Variants in SLC2A13 observed in about 807,000 individuals in gnomAD.
The protein encoded by SLC2A13 is proton myo-inositol cotransporter.
In SLC2A13, 32 loss-of-function variants were observed where a neutral mutation model predicts 64.4. That is an observed-to-expected ratio of 0.50 (90% confidence interval 0.37 to 0.67). The LOEUF (loss-of-function observed/expected upper bound fraction) is 0.67, where lower values mean the gene tolerates loss of function less well. Ranked by LOEUF, SLC2A13 falls within the 30% of genes least tolerant of loss-of-function variation. SLC2A13 has a pLI of 0.00. For synonymous variants in SLC2A13, 338 were observed against 327.1 expected (o/e 1.03, Z -0.36); for missense variants, 743 against 829.2 (o/e 0.90, Z 1.28).
chr12:39,835,927 G>A (rs1942991348), intron 6 of SLC2A13, among the ~76,000 whole-genome samples: 1 of 152,126 alleles, frequency 6.6e-6, no homozygotes, highest in Non-Finnish European at 1.5e-5. Context: ...TTTAAGCTGA[G>A]CCTGGTTTTT....
At chr12:40,004,556 C>A (rs1947379052) in intron 3 of SLC2A13, among the ~76,000 whole-genome samples, 1 of 151,926 alleles carries the variant, frequency 6.6e-6, no homozygotes, top group Non-Finnish European at 1.5e-5. Context: ...GGAATCAAGC[C>A]CCCATGGATA....
chr12:39,832,748 T>C (rs1207167226), intron 6 of SLC2A13, among the ~76,000 whole-genome samples: 1 of 152,108 alleles, frequency 6.6e-6, no homozygotes, highest in Non-Finnish European at 1.5e-5. Context: ...TTTAGCTTAC[T>C]GACCACTTCC....
chr12:39,956,884 T>C (rs1946323523), intron 3 of SLC2A13, among the ~76,000 whole-genome samples: 1 of 152,162 alleles, frequency 6.6e-6, no homozygotes, highest in South Asian at 2.1e-4. Context: ...AAAGTAAAGA[T>C]GCCCCTGTGG....
chr12:39,874,253 C>A (rs1944124719), intron 4 of SLC2A13, among the ~76,000 whole-genome samples: 1 of 152,122 alleles, frequency 6.6e-6, no homozygotes, highest in Non-Finnish European at 1.5e-5. Flanking sequence ...ATCTGAAGGA[C>A]TAAAGTGCAA....
Position 40,072,936 on chromosome 12 carries a change from C to T in SLC2A13, c.557-24726G>A, listed in dbSNP as rs555442023. 7.2e-5 allele frequency among the ~76,000 whole-genome samples: 11 copies of T among 152,046 alleles called. No individual in the cohort carries two copies. In the South Asian group the frequency reaches 2.3e-3, roughly 32 times the overall value. The stretch of plus-strand genomic sequence containing the variant: ...TATTTGTTCTTATTTTTGTCATTCA[C>T]CCTTTTTCTGCCTTGTGTGGATTTA... On this transcript the variant is annotated intron_variant, in intron 1 of 9. Coordinates refer to ENST00000280871, the MANE Select transcript of SLC2A13 (RefSeq NM_052885.4).
rs1947853691 is a variant in SLC2A13 at position 40,028,314 on chromosome 12, T to A, written c.912A>T (p.Lys304Asn). 2 of 1,613,574 alleles carry A rather than the reference T, an allele frequency of 1.2e-6. No homozygotes were observed. Among genetic ancestry groups the A allele is most frequent in the African/African-American group, 2.7e-5 (2 of 74,910 alleles). ...AAGTCTATATACCTGAGCCAACCTCTTTTTCCTCCTCTTCAATGTTGTTTT... is the reference window on the plus strand; with the variant it reads ...AAGTCTATATACCTGAGCCAACCTCATTTTCCTCCTCTTCAATGTTGTTTT... Reference protein sequence around the residue: ...SIKNNIEEEEKEVGSAGPVIC... With the variant: ...SIKNNIEEEENEVGSAGPVIC... The change falls in exon 3 of 10, where the codon AAA becomes AAT. Residue 304 changes from lysine to asparagine, a missense_variant. Around this residue, in one of 2 missense-constraint regions of SLC2A13, gnomAD observed 448 missense variants for 447.4 expected, o/e 1.00. Transcript: ENST00000280871.
chr12:39,850,068 C>G (rs559384035), intron 6 of SLC2A13, among the ~76,000 whole-genome samples: 1 of 152,210 alleles, frequency 6.6e-6, no homozygotes, highest in South Asian at 2.1e-4. Context: ...CATGCTATCC[C>G]TCTTTCTGCA....
intron 6 of SLC2A13, among the ~76,000 whole-genome samples, chr12:39,859,167 C>G (rs1246627993): frequency 2.0e-5 from 3 of 151,912 alleles, no homozygotes; most frequent in Admixed American, 1.3e-4. Flanking sequence ...TTTTGGGGAA[C>G]TTCATCTGAA....
chr12:39,878,725 C>G (rs1337840918), intron 4 of SLC2A13, among the ~76,000 whole-genome samples: 3 of 152,138 alleles, frequency 2.0e-5, no homozygotes, highest in Non-Finnish European at 4.4e-5. Flanking sequence ...GCAGCCTGGC[C>G]ATGTGGCAGA....
At chr12:39,829,352 A>C (rs1942783468) in intron 7 of SLC2A13, 1 of 151,254 alleles carries the variant, frequency 6.6e-6, no homozygotes, top group Non-Finnish European at 1.5e-5. Flanking sequence ...TAAGAATAAA[A>C]AAAAAAAGTT....
chr12:40,031,815 A>G (rs1947909753), intron 2 of SLC2A13, among the ~76,000 whole-genome samples: 1 of 152,196 alleles, frequency 6.6e-6, no homozygotes, highest in Non-Finnish European at 1.5e-5. Flanking sequence ...CTGTGGTACT[A>G]ATAAAAATTT....
chr12:39,971,710 C>T (rs1946648403), intron 3 of SLC2A13, among the ~76,000 whole-genome samples: 1 of 152,038 alleles, frequency 6.6e-6, no homozygotes, highest in African/African-American at 2.4e-5. Flanking sequence ...AACAGTGGCT[C>T]ATGCCTATAA....
intron 4 of SLC2A13, among the ~76,000 whole-genome samples, chr12:39,909,532 C>G (rs923057286): frequency 1.3e-5 from 2 of 152,030 alleles, no homozygotes; most frequent in Admixed American, 1.3e-4. Flanking sequence ...TACATACAGA[C>G]CTGTTATAAA....
At chr12:40,037,260 T>C (rs1343662691) in intron 2 of SLC2A13, among the ~76,000 whole-genome samples, 1 of 152,194 alleles carries the variant, frequency 6.6e-6, no homozygotes, top group Non-Finnish European at 1.5e-5. Context: ...AAGTGTTTAT[T>C]CTACCTTTAT....
intron 4 of SLC2A13, among the ~76,000 whole-genome samples, chr12:39,925,030 ATTTTT>A (rs58902176): frequency 0.029 from 3,452 of 119,094 alleles, 140 homozygotes; most frequent in African/African-American, 0.093. Context: ...CATACAGATA[ATTTTT>A]TTTTTTTTTT....
rs1160799553 is a variant in SLC2A13 at position 40,076,797 on chromosome 12, G to C, written c.556+28456C>G. On this transcript the variant is annotated intron_variant, in intron 1 of 9. Transcript: ENST00000280871. ...CTGTATGTGTTTCCTTTTCTCCACA[G>C]CCTCTCCAGCATGTTTTTCGTATGC... Among the ~76,000 whole-genome samples the C allele has an allele frequency of 2.0e-5, 3 of 151,914 alleles. No individual in the cohort carries two copies. In the East Asian group the frequency reaches 5.8e-4, roughly 29 times the overall value.
At chr12:39,873,372 T>A (rs1944105842) in intron 4 of SLC2A13, among the ~76,000 whole-genome samples, 1 of 152,216 alleles carries the variant, frequency 6.6e-6, no homozygotes, top group South Asian at 2.1e-4. Context: ...TTCATTCCAT[T>A]TGTGCAGTGT....
At chr12:40,032,491 G>C (rs973970893) in intron 2 of SLC2A13, among the ~76,000 whole-genome samples, 1 of 152,228 alleles carries the variant, frequency 6.6e-6, no homozygotes, top group African/African-American at 2.4e-5. Context: ...TTTAAAGGCA[G>C]AGGAATACTT....
At chr12:39,837,507 A>C (rs1235807658) in intron 6 of SLC2A13, among the ~76,000 whole-genome samples, 2 of 140,626 alleles carry the variant, frequency 1.4e-5, no homozygotes, top group East Asian at 2.1e-4. Flanking sequence ...AATTAAACTA[A>C]AGAGCTTCTG....
Sources: allele counts gnomAD v4.1 joint callset (sites outside exome capture counted in the v4.1 genomes callset), GRCh38; gene constraint gnomAD v4.1.1; regional missense constraint gnomAD v4.1.1; transcripts MANE v1.5; gene names NCBI Gene and HGNC (gene_info 2026-07-23, HGNC 2026-07-21).